The following POLA1 variants were observed in gnomAD, a reference collection of about 807,000 sequenced individuals.
POLA1 encodes DNA polymerase alpha catalytic subunit.
In POLA1, 15 loss-of-function variants were observed where a neutral mutation model predicts 124.0. The ratio of observed to expected loss-of-function variants is 0.12; its 90% CI spans 0.08 to 0.19. The LOEUF (loss-of-function observed/expected upper bound fraction) is 0.19, where lower values mean the gene tolerates loss of function less well. Ranked by LOEUF, POLA1 falls within the 10% of genes least tolerant of loss-of-function variation. POLA1 has a pLI of 1.00. For synonymous variants in POLA1, 408 were observed against 389.4 expected (o/e 1.05, Z -0.56); for missense variants, 886 against 1,103.4 (o/e 0.80, Z 2.79).
At chrX:24,928,331 A>G (rs895909992) in intron 35 of POLA1, among the ~76,000 whole-genome samples, 1 of 111,958 alleles carries the variant, frequency 8.9e-6, no homozygotes. Context: ...GTTGTTGTAT[A>G]TCCATTACTA....
intron 34 of POLA1, among the ~76,000 whole-genome samples, chrX:24,855,359 A>G (rs1337866328): frequency 2.7e-5 from 3 of 111,808 alleles, no homozygotes; most frequent in Non-Finnish European, 5.6e-5. Flanking sequence ...ATAGAATCAT[A>G]TATCTACTAC....
At chrX:24,789,160 G>T in intron 26 of POLA1, 1 of 837,460 alleles carries the variant, frequency 1.2e-6, no homozygotes, top group Non-Finnish European at 1.7e-6. Flanking sequence ...CCTAGGCAGA[G>T]CAATTAGGCA....
chrX:24,807,345 G>C (rs1433597040), intron 26 of POLA1, among the ~76,000 whole-genome samples: 1 of 112,459 alleles, frequency 8.9e-6, no homozygotes, highest in African/African-American at 3.2e-5. Flanking sequence ...CTAGCTAACT[G>C]TAAGAGGCAG....
intron 28 of POLA1, among the ~76,000 whole-genome samples, chrX:24,811,443 TCACGCCC>T (rs1224160627): frequency 9.1e-6 from 1 of 109,407 alleles, no homozygotes; most frequent in East Asian, 2.9e-4. Flanking sequence ...GCATGCACCA[TCACGCCC>T]CCCTAATTTT....
intron 36 of POLA1, among the ~76,000 whole-genome samples, chrX:24,995,055 T>C (rs1454168655): frequency 9.9e-6 from 1 of 101,097 alleles, no homozygotes; most frequent in African/African-American, 3.7e-5. Context: ...AACCTCTGTC[T>C]CAAAAAAAAA....
In POLA1 at chrX:24,803,182, G is replaced by A. The variant is rs780768460; in HGVS notation, c.2965-6716G>A. 1.4e-4 allele frequency among the ~76,000 whole-genome samples: 15 copies of A among 111,069 alleles called. No individual in the cohort carries two copies. The East Asian group carries it at 2.6e-3, about 19-fold the overall frequency. On this transcript the variant is annotated intron_variant, in intron 26 of 36. Coordinates refer to ENST00000379068, the MANE Select transcript of POLA1 (RefSeq NM_001330360.2). ...GAATGTGTGCCTGGATAGAGAAAACGCTGTCATCAGTGTGTATCACTGATT... is the reference window on the plus strand; with the variant it reads ...GAATGTGTGCCTGGATAGAGAAAACACTGTCATCAGTGTGTATCACTGATT...
At chrX:24,953,275 A>G (rs1219950996) in intron 36 of POLA1, among the ~76,000 whole-genome samples, 1 of 112,170 alleles carries the variant, frequency 8.9e-6, no homozygotes, top group African/African-American at 3.2e-5. Flanking sequence ...TATGGTGTCT[A>G]TTATTGTTCT....
At chrX:24,771,577 TGTTG>T (rs1438638136) in intron 26 of POLA1, among the ~76,000 whole-genome samples, 4 of 110,393 alleles carry the variant, frequency 3.6e-5, no homozygotes, top group African/African-American at 9.9e-5. Context: ...AGACAAGGAG[TGTTG>T]GTTGTTTTCT....
intron 26 of POLA1, among the ~76,000 whole-genome samples, chrX:24,788,084 A>G (rs1364226336): frequency 8.9e-6 from 1 of 112,430 alleles, no homozygotes; most frequent in Non-Finnish European, 1.9e-5. Flanking sequence ...AATGTGATAC[A>G]CCACATTAAC....
intron 26 of POLA1, chrX:24,788,440 A>C: frequency 8.3e-7 from 1 of 1,198,252 alleles, no homozygotes; most frequent in Non-Finnish European, 1.1e-6. Flanking sequence ...CGTAGTCCTC[A>C]AAAGCAGTGA....
intron 26 of POLA1, among the ~76,000 whole-genome samples, chrX:24,802,998 CA>C (rs1222244357): frequency 9.2e-6 from 1 of 108,344 alleles, no homozygotes; most frequent in Non-Finnish European, 1.9e-5. Flanking sequence ...GACTCCATCT[CA>C]AAAAAAAATA....
At chrX:24,830,702 G>A (rs904639705) in intron 32 of POLA1, among the ~76,000 whole-genome samples, 1 of 112,112 alleles carries the variant, frequency 8.9e-6, no homozygotes, top group South Asian at 3.7e-4. Context: ...CCCGTATTCT[G>A]TGGATGAAAT....
intron 1 of POLA1, among the ~76,000 whole-genome samples, chrX:24,698,242 G>T (rs758717260): frequency 1.8e-5 from 2 of 111,908 alleles, no homozygotes; most frequent in South Asian, 7.5e-4. Context: ...GCATCCGCTT[G>T]AATTTTTTTC....
rs1267816752 is a variant in POLA1, at chrX:24,713,182, C to T, written c.347-1372C>T. On this transcript the variant is annotated intron_variant, in intron 4 of 36. Coordinates refer to ENST00000379068, the MANE Select transcript of POLA1 (RefSeq NM_001330360.2). ...GTTTCAGCATGTTGGTCAGGCTGGT[C>T]TCGAACTCCTGACCTCGTGATCTGC... Among the ~76,000 whole-genome samples the T allele has an allele frequency of 5.4e-5, 6 of 110,536 alleles. No homozygotes were observed. In the Admixed American group the frequency reaches 5.7e-4, roughly 11 times the overall value.
intron 34 of POLA1, among the ~76,000 whole-genome samples, chrX:24,874,479 TATCTA>T (rs1256650870): frequency 8.9e-6 from 1 of 111,888 alleles, no homozygotes; most frequent in African/African-American, 3.2e-5. Flanking sequence ...ACCAAAATAA[TATCTA>T]AAGAAAGAGT....
In POLA1 at chrX:24,737,129, G is replaced by A. The variant is rs938466304; in HGVS notation, c.1924-496G>A. On this transcript the variant is annotated intron_variant, in intron 18 of 36. Coordinates refer to ENST00000379068, the MANE Select transcript of POLA1 (RefSeq NM_001330360.2). ...ATTTATCTTGTTGCATATCAATTAT[G>A]AGTCTAAATCAGTAGTGTTTGAACT... 1.2e-3 allele frequency among the ~76,000 whole-genome samples: 135 copies of A among 111,472 alleles called. 2 individuals carry two copies. Among genetic ancestry groups the A allele is most frequent in the Middle Eastern group, 4.6e-3 (1 of 218 alleles).
chrX:24,853,493 G>C (rs933040815), intron 34 of POLA1, among the ~76,000 whole-genome samples: 1 of 111,523 alleles, frequency 9.0e-6, no homozygotes, highest in Non-Finnish European at 1.9e-5. Flanking sequence ...AGAAAATACT[G>C]GTTCACTGAC....
chrX:24,795,954 A>G (rs2045598443), intron 26 of POLA1, among the ~76,000 whole-genome samples: 1 of 111,748 alleles, frequency 8.9e-6, no homozygotes, highest in Non-Finnish European at 1.9e-5. Flanking sequence ...CAATTAATAT[A>G]ATCACTTATG....
intron 36 of POLA1, among the ~76,000 whole-genome samples, chrX:24,938,358 G>T (rs1375673568): frequency 1.8e-5 from 2 of 111,743 alleles, no homozygotes; most frequent in Admixed American, 9.4e-5. Context: ...GGAGGTTGCA[G>T]TGAGCCGAGA....
Sources: allele counts gnomAD v4.1 joint callset (sites outside exome capture counted in the v4.1 genomes callset), GRCh38; gene constraint gnomAD v4.1.1; transcripts MANE v1.5; gene names NCBI Gene and HGNC (gene_info 2026-07-23, HGNC 2026-07-21).